ADGRG1: variants seen among roughly 807,000 people sequenced by gnomAD.
The protein encoded by ADGRG1 is 7-transmembrane protein with no EGF-like N-terminal domains-1.
Under a neutral mutation model 73.5 loss-of-function variants are expected in ADGRG1, and 53 were observed. The observed-to-expected ratio is 0.72, with a 90% confidence interval of 0.58 to 0.91. ADGRG1 has a LOEUF of 0.91. ADGRG1 is among the 40% of genes least tolerant of loss of function. The pLI is 0.00. For missense variants in ADGRG1, 795 were observed against 871.8 expected, an observed-to-expected ratio of 0.91 and a Z score of 1.11; for synonymous variants, 394 against 374.4, an observed-to-expected ratio of 1.05 and a Z score of -0.60.
Position 57,661,712 on chromosome 16 carries a change from C to A in ADGRG1, c.1680C>A (p.Asp560Glu), listed in dbSNP as rs1483090171. 3 of 1,613,884 alleles carry A rather than the reference C, an allele frequency of 1.9e-6. No individual in the cohort carries two copies. The highest frequency in any genetic ancestry group is 2.5e-6 in the Non-Finnish European group (3 of 1,179,866). Residue 560 changes from aspartate (D) to glutamate (E), a missense_variant, in exon 13 of 14, where the codon GAC (aspartate) becomes GAA (glutamate). Coordinates refer to ENST00000562631, the MANE Select transcript of ADGRG1 (RefSeq NM_201525.4). ...VIYPSMCWIR[D>E]SLVSYITNLG... is the part of the protein sequence containing the mutation. ...TTGCCCGCAGGTGCTGGATCCGGGA[C>A]TCCCTGGTCAGCTACATCACCAACC... is the stretch of plus-strand genomic sequence containing the variant.
intron 5 of ADGRG1, among the ~76,000 whole-genome samples, chr16:57,654,417 C>G (rs542222300): frequency 3.0e-5 from 4 of 135,384 alleles, no homozygotes; most frequent in South Asian, 5.6e-4. Context: ...GCACCCCCCC[C>G]CCCCGTTTTT....
chr16:57,653,866 T>C, intron 4 of ADGRG1, 120 bp from the exon 5 acceptor site: 2 of 1,587,328 alleles, frequency 1.3e-6, no homozygotes, highest in Admixed American at 3.4e-5. Flanking sequence ...TCTCTCTGCC[T>C]CTGCCTCTGC....
upstream of ADGRG1, chr16:57,626,454 T>G (rs930206700): frequency 3.8e-5 from 11 of 286,266 alleles, no homozygotes; most frequent in Non-Finnish European, 5.2e-5. Flanking sequence ...GAACCAGGCT[T>G]GTCTCTCTAG....
At chr16:57,636,448 C>T in intron 1 of ADGRG1, 1 of 985,252 alleles carries the variant, frequency 1.0e-6, no homozygotes, top group Non-Finnish European at 1.2e-6. Context: ...AGGCTATGCA[C>T]AGTCTTGGGA....
rs1330126928 is a variant in ADGRG1, at chr16:57,661,972, A to T, written c.1933+7A>T. On this transcript the variant is annotated splice_region_variant and intron_variant, in intron 13 of 13. Coordinates refer to ENST00000562631, the MANE Select transcript of ADGRG1 (RefSeq NM_201525.4). Reference sequence around the variant, plus strand: ...ATCATCACCTCCTTCCAAGGTAAGGAGAAGACCCGTCCCTTGGCCCAGGCA... The same window carrying T: ...ATCATCACCTCCTTCCAAGGTAAGGTGAAGACCCGTCCCTTGGCCCAGGCA... 3 of 1,608,796 alleles carry T rather than the reference A, an allele frequency of 1.9e-6. No homozygotes were observed. Among genetic ancestry groups the T allele is most frequent in the Non-Finnish European group, 2.6e-6 (3 of 1,175,138 alleles).
chr16:57,654,448 T>C (rs1420506377), intron 5 of ADGRG1, among the ~76,000 whole-genome samples: 1 of 136,780 alleles, frequency 7.3e-6, no homozygotes, highest in Non-Finnish European at 1.6e-5. Flanking sequence ...GACAGGGTCT[T>C]GCTTTGTCAC....
At chr16:57,636,499 C>G (rs1347587819) in intron 1 of ADGRG1, 1 of 985,180 alleles carries the variant, frequency 1.0e-6, no homozygotes, top group Non-Finnish European at 1.2e-6. Context: ...TGTGTGTGCT[C>G]CTGATCCTGT....
At chr16:57,628,917 A>T (rs919418509) in intron 1 of ADGRG1, 115 bp downstream of exon 1, 22,859 of 734,782 alleles carry the variant, frequency 0.031, 1,161 homozygotes, top group African/African-American at 0.17. Flanking sequence ...AGTGTGTGAG[A>T]GTGAGTGTGA....
chr16:57,650,379 T>G, intron 2 of ADGRG1, 28 bp downstream of exon 2: 2 of 1,600,576 alleles, frequency 1.2e-6, no homozygotes, highest in Non-Finnish European at 1.7e-6. Flanking sequence ...TGCCCTGGGC[T>G]GTTGGAACTT....
chr16:57,628,309 T>C (rs938754893), upstream of ADGRG1: 12 of 527,376 alleles, frequency 2.3e-5, no homozygotes, highest in Admixed American at 3.2e-4. Context: ...TGTGGGAACT[T>C]TGGGGAGACT....
At chr16:57,641,564 C>CT in intron 1 of ADGRG1, 1 of 959,556 alleles carries the variant, frequency 1.0e-6, no homozygotes, top group Non-Finnish European at 1.2e-6. Context: ...TTCTAAAAGT[C>CT]CTTTTTTTTT....
intron 1 of ADGRG1, chr16:57,631,378 TG>T: frequency 1.0e-6 from 1 of 985,822 alleles, no homozygotes; most frequent in Non-Finnish European, 1.2e-6. Flanking sequence ...AGGTGGGGTC[TG>T]GGGGGCTGTG....
intron 2 of ADGRG1, among the ~76,000 whole-genome samples, chr16:57,622,366 C>G (rs1050896714): frequency 6.6e-6 from 1 of 152,120 alleles, no homozygotes; most frequent in Non-Finnish European, 1.5e-5. Flanking sequence ...TTTGAGCCCC[C>G]CAACCGCTGG....
Position 57,656,027 on chromosome 16 carries a change from C to T in ADGRG1, c.1017+35C>T, listed in dbSNP as rs190924974. 1.4e-3 allele frequency: 2,263 copies of T among 1,613,834 alleles called. 5 individuals are homozygous for T. Among genetic ancestry groups the T allele is most frequent in the Non-Finnish European group, 1.4e-3 (1,619 of 1,180,036 alleles). On this transcript the variant is annotated intron_variant, in intron 7 of 13. Coordinates refer to ENST00000562631, the MANE Select transcript of ADGRG1 (RefSeq NM_201525.4). ...GGCCAGCCATCAAGAGAACAAGCGC[C>T]CCTCGGCCATGTCACCCTTTCCTCT...
chr16:57,642,325 T>C, intron 1 of ADGRG1: 1 of 985,320 alleles, frequency 1.0e-6, no homozygotes. Context: ...CCTGGAAGTG[T>C]CAGGGATGAT....
intron 1 of ADGRG1, chr16:57,630,101 G>A (rs1267859513): frequency 6.4e-6 from 5 of 783,034 alleles, no homozygotes; most frequent in African/African-American, 1.9e-5. Flanking sequence ...GTGCTCTGTC[G>A]GGAACATGGC....
intron 9 of ADGRG1, 151 bp downstream of exon 9, chr16:57,656,768 G>C (rs1430645178): frequency 6.2e-5 from 44 of 705,752 alleles, no homozygotes; most frequent in Admixed American, 3.6e-4. Context: ...AGGAAATGGA[G>C]GCTCAGAGAG....
intron 1 of ADGRG1, chr16:57,646,837 C>A: frequency 1.2e-6 from 1 of 822,084 alleles, no homozygotes; most frequent in South Asian, 5.5e-5. Context: ...ACGTGGATGT[C>A]ACCACTAACA....
intron 1 of ADGRG1, among the ~76,000 whole-genome samples, chr16:57,638,934 G>A (rs2040039993): frequency 1.3e-5 from 2 of 152,106 alleles, no homozygotes; most frequent in Admixed American, 1.3e-4. Context: ...GCCGGGCATG[G>A]TGGTGGGCAC....
Sources: allele counts gnomAD v4.1 joint callset (sites outside exome capture counted in the v4.1 genomes callset), GRCh38; gene constraint gnomAD v4.1.1; transcripts MANE v1.5; gene names NCBI Gene and HGNC (gene_info 2026-07-23, HGNC 2026-07-21).